The following WDR44 variants were observed in gnomAD, a reference collection of about 807,000 sequenced individuals.
WDR44 encodes WD repeat domain 44.
WDR44 carries 9 observed loss-of-function variants against 65.7 expected under a neutral mutation model. The ratio of observed to expected loss-of-function variants is 0.14; its 90% CI spans 0.08 to 0.24. The LOEUF is 0.24. Ranked by LOEUF, WDR44 falls within the 10% of genes least tolerant of loss-of-function variation. The pLI, the probability that WDR44 is intolerant of heterozygous loss-of-function variation, is 1.00. For synonymous variants in WDR44, 220 were observed against 235.2 expected (o/e 0.94, Z 0.59); for missense variants, 425 against 670.9 (o/e 0.63, Z 4.05).
At chrX:118,432,360 C>G (rs2147743840) in intron 12 of WDR44, among the ~76,000 whole-genome samples, 1 of 111,466 alleles carries the variant, frequency 9.0e-6, no homozygotes, top group South Asian at 3.8e-4. Context: ...TAGAAGCCTT[C>G]CCTCATCCCC....
chrX:118,430,405 G>T (rs778677425), intron 12 of WDR44, among the ~76,000 whole-genome samples: 1 of 106,617 alleles, frequency 9.4e-6, no homozygotes, highest in African/African-American at 3.4e-5. Flanking sequence ...AGCCAGGCAC[G>T]GTGGCAGGCG....
At chrX:118,447,175 TTTTTCTTTTC>T in intron 19 of WDR44, 1 of 255,317 alleles carries the variant, frequency 3.9e-6, no homozygotes, top group Non-Finnish European at 7.3e-6. Context: ...ACCTGGCCTT[TTTTTCTTTTC>T]TTTTCTTTTT....
chrX:118,368,483 T>TATATATATATATAAC, intron 1 of WDR44, among the ~76,000 whole-genome samples: 1 of 87,638 alleles, frequency 1.1e-5, no homozygotes, highest in African/African-American at 5.0e-5. Flanking sequence ...ATATATATAC[T>TATATATATATATAAC]TCTTGAGGAC....
rs184086670 is a variant in WDR44 at position 118,408,168 on chromosome X, G to A, written c.1533+1142G>A. ...TGGTTATTTCAATAAATGGGCTGTG[G>A]CATAATCTTTTTGATACATCTGAAT... On this transcript the variant is annotated intron_variant, in intron 10 of 19. Transcript: ENST00000254029. Among the ~76,000 whole-genome samples, 640 of 111,292 alleles carry A rather than the reference G, an allele frequency of 5.8e-3. 2 individuals carry two copies. The highest frequency in any genetic ancestry group is 0.011 in the Admixed American group (116 of 10,383).
chrX:118,359,073 C>G (rs1276704263), intron 1 of WDR44, among the ~76,000 whole-genome samples: 1 of 74,592 alleles, frequency 1.3e-5, no homozygotes, highest in Non-Finnish European at 2.1e-5. Flanking sequence ...GACTCCATCT[C>G]AAAACCAAAA....
intron 1 of WDR44, among the ~76,000 whole-genome samples, chrX:118,349,264 T>C (rs922060233): frequency 1.8e-5 from 2 of 109,570 alleles, no homozygotes; most frequent in African/African-American, 3.3e-5. Context: ...TTTTTTTTTT[T>C]CCAAGATAGG....
intron 11 of WDR44, 100 bp from the exon 12 acceptor site, chrX:118,410,791 TCTAA>T (rs2057006576): frequency 1.5e-6 from 1 of 648,400 alleles, no homozygotes; most frequent in African/African-American, 2.3e-5. Flanking sequence ...TACTGTATTC[TCTAA>T]CTATTAGACA....
intron 18 of WDR44, among the ~76,000 whole-genome samples, chrX:118,443,977 T>C (rs4825382): frequency 0.43 from 47,176 of 108,708 alleles, 10,816 homozygotes; most frequent in African/African-American, 0.86. Context: ...ACCTGGGAGG[T>C]GGAAATTGCA....
At chrX:118,393,907 G>A (rs937630803) in intron 4 of WDR44, 148 bp from the exon 5 acceptor site, 1 of 501,137 alleles carries the variant, frequency 2.0e-6, no homozygotes, top group Admixed American at 4.1e-5. Flanking sequence ...TGTATGAGCT[G>A]TATAGTCTTG....
At chrX:118,420,535 G>A (rs1237585524) in intron 12 of WDR44, among the ~76,000 whole-genome samples, 1 of 111,532 alleles carries the variant, frequency 9.0e-6, no homozygotes, top group Non-Finnish European at 1.9e-5. Flanking sequence ...TTACAGGCGT[G>A]AGCCACCATG....
intron 14 of WDR44, among the ~76,000 whole-genome samples, chrX:118,440,913 ATGCT>A (rs1041544869): frequency 9.5e-6 from 1 of 105,265 alleles, no homozygotes; most frequent in Non-Finnish European, 1.9e-5. Context: ...GCATAAAATA[ATGCT>A]TGCTTAAAGA....
intron 1 of WDR44, among the ~76,000 whole-genome samples, chrX:118,352,337 TA>T (rs1569354342): frequency 2.2e-3 from 43 of 19,788 alleles, no homozygotes; most frequent in African/African-American, 0.016. Flanking sequence ...TATATATATA[TA>T]TATATATATA....
intron 12 of WDR44, among the ~76,000 whole-genome samples, chrX:118,424,333 A>G (rs1277004368): frequency 3.4e-5 from 3 of 88,351 alleles, no homozygotes; most frequent in African/African-American, 1.6e-4. Context: ...GTATATATAT[A>G]TATATATATA....
chrX:118,362,248 G>C (rs761420026), intron 1 of WDR44, among the ~76,000 whole-genome samples: 13 of 112,150 alleles, frequency 1.2e-4, no homozygotes, highest in Non-Finnish European at 2.1e-4. Flanking sequence ...TGTAAAGTGA[G>C]GAGACTGTTC....
At chrX:118,447,834 A>G (rs1481049532) in intron 19 of WDR44, among the ~76,000 whole-genome samples, 1 of 101,590 alleles carries the variant, frequency 9.8e-6, no homozygotes, top group African/African-American at 3.6e-5. Context: ...TGATGGTGCC[A>G]CTGCATTCCA....
intron 1 of WDR44, among the ~76,000 whole-genome samples, chrX:118,352,375 T>G (rs184164228): frequency 0.12 from 4,276 of 35,011 alleles, 575 homozygotes; most frequent in African/African-American, 0.24. Context: ...TTTTTTTTTG[T>G]AGAGATGGGG....
chrX:118,371,572 C>T (rs1480766258), intron 1 of WDR44, among the ~76,000 whole-genome samples: 3 of 111,269 alleles, frequency 2.7e-5, no homozygotes, highest in Non-Finnish European at 5.7e-5. Flanking sequence ...TTTGTTTCTG[C>T]TGTTAGGTGA....
intron 13 of WDR44, among the ~76,000 whole-genome samples, chrX:118,435,563 A>T (rs183695463): frequency 2.3e-4 from 26 of 112,546 alleles, no homozygotes; most frequent in African/African-American, 8.1e-4. Flanking sequence ...GATTACAGGC[A>T]TGGGCCACTG....
rs2056411378 is a variant in WDR44 at position 118,352,213 on chromosome X, A to G, written c.77+5633A>G. On this transcript the variant is annotated intron_variant, in intron 1 of 19. Coordinates refer to ENST00000254029, the MANE Select transcript of WDR44 (RefSeq NM_019045.5). Reference sequence around the variant, plus strand: ...ACCCAGGCTAGAGTGCAATGGTGCAATCTCAGCTCACTGCAGCCTCGACCT... The same window carrying G: ...ACCCAGGCTAGAGTGCAATGGTGCAGTCTCAGCTCACTGCAGCCTCGACCT... Among the ~76,000 whole-genome samples the G allele has an allele frequency of 3.1e-5, 3 of 95,391 alleles. No individual in the cohort carries two copies. In the South Asian group the frequency reaches 1.5e-3, roughly 49 times the overall value. The allele number at this position is 95,391 out of a possible 115,157, so 82.8% of individuals were successfully genotyped here. A position where few individuals can be genotyped will look rare whatever the true frequency, so the allele number is the denominator to read the frequency against.
Sources: gnomAD v4.1 joint callset for allele counts (sites outside exome capture counted in the v4.1 genomes callset) on GRCh38, gnomAD v4.1.1 for gene constraint, MANE v1.5 for transcripts, NCBI Gene and HGNC (gene_info 2026-07-23, HGNC 2026-07-21) for gene names.